Variants in BANK1 observed in about 807,000 individuals in gnomAD.
The protein encoded by BANK1 is B cell scaffold protein with ankyrin repeats 1.
In BANK1, 95 loss-of-function variants were observed where a neutral mutation model predicts 94.5. The ratio of observed to expected loss-of-function variants is 1.00; its 90% CI spans 0.85 to 1.19. The LOEUF (loss-of-function observed/expected upper bound fraction) is 1.19. BANK1 is among the 50% of genes most tolerant of loss of function. The pLI is 0.00. For synonymous variants in BANK1, 334 were observed against 308.4 expected (o/e 1.08, Z -0.87); for missense variants, 987 against 932.2 (o/e 1.06, Z -0.77).
chr4:102,055,801 C>T (rs1198431167), intron 11 of BANK1, among the ~76,000 whole-genome samples: 4 of 152,096 alleles, frequency 2.6e-5, no homozygotes, highest in Non-Finnish European at 5.9e-5. Context: ...ATCCTCTCAA[C>T]TCTTTCTATA....
intron 5 of BANK1, among the ~76,000 whole-genome samples, chr4:101,881,741 T>C (rs1364129949): frequency 1.3e-5 from 2 of 152,092 alleles, no homozygotes; most frequent in Non-Finnish European, 2.9e-5. Flanking sequence ...AGCCACAAAA[T>C]AGAATGAGAT....
chr4:101,977,260 C>T (rs962474815), intron 7 of BANK1, among the ~76,000 whole-genome samples: 1 of 152,104 alleles, frequency 6.6e-6, no homozygotes, highest in African/African-American at 2.4e-5. Flanking sequence ...CTTCTTGCAG[C>T]ATAAGGAAGG....
chr4:102,057,726 C>T (rs1217158942), intron 11 of BANK1, among the ~76,000 whole-genome samples: 1 of 152,102 alleles, frequency 6.6e-6, no homozygotes, highest in African/African-American at 2.4e-5. Context: ...CACATTGATA[C>T]TTATAGTATG....
intron 6 of BANK1, among the ~76,000 whole-genome samples, chr4:101,901,872 T>C (rs1020258595): frequency 6.6e-6 from 1 of 152,114 alleles, no homozygotes; most frequent in East Asian, 1.9e-4. Flanking sequence ...ACCATTCTCC[T>C]GCCTCAGCCT....
rs1727064205 is a variant in BANK1, at chr4:102,025,579, G to A, written c.1594+70G>A. 4.2e-6 allele frequency: 6 copies of A among 1,422,642 alleles called. No homozygotes were observed. In the South Asian group the frequency reaches 5.2e-5, roughly 12 times the overall value. 88.1% of individuals were successfully genotyped at this position (1,422,642 alleles called of 1,614,324 possible). A position where few individuals can be genotyped will look rare whatever the true frequency, so the allele number is the denominator to read the frequency against. ...CTTTGACAGGCTTACATAGCAAATAGTGCAGTGGCAAATCTATACAGAGCA... is the reference window on the plus strand; with the variant it reads ...CTTTGACAGGCTTACATAGCAAATAATGCAGTGGCAAATCTATACAGAGCA... On this transcript the variant is annotated intron_variant, in intron 9 of 16. Transcript: ENST00000322953.
At chr4:101,948,174 G>A (rs1443652320) in intron 7 of BANK1, among the ~76,000 whole-genome samples, 1 of 152,088 alleles carries the variant, frequency 6.6e-6, no homozygotes, top group Non-Finnish European at 1.5e-5. Flanking sequence ...AAAGAGCAGA[G>A]TATGAGACTA....
chr4:101,992,217 A>G (rs1016754637), intron 7 of BANK1, among the ~76,000 whole-genome samples: 1 of 152,210 alleles, frequency 6.6e-6, no homozygotes, highest in African/African-American at 2.4e-5. Flanking sequence ...AGAACAAAGA[A>G]CAATGACTTT....
rs570285490 is a variant in BANK1 at position 102,011,660 on chromosome 4, G to A, written c.1207-9854G>A. The stretch of plus-strand genomic sequence containing the variant: ...CCCTTCTATTTTGATCTTACGTCCC[G>A]ATGTGGGGGGAAGTATGTTTCTTTA... On this transcript the variant is annotated intron_variant, in intron 7 of 16. Coordinates refer to ENST00000322953, the MANE Select transcript of BANK1 (RefSeq NM_017935.5). 4.6e-5 allele frequency among the ~76,000 whole-genome samples: 7 copies of A among 152,230 alleles called. No homozygotes were observed. The South Asian group carries it at 1.0e-3, about 23-fold the overall frequency.
chr4:101,808,829 C>T (rs1041201909), intron 1 of BANK1, among the ~76,000 whole-genome samples: 24 of 151,892 alleles, frequency 1.6e-4, no homozygotes, highest in African/African-American at 4.8e-4. Flanking sequence ...CAAGAATGGC[C>T]ATAATTAAAA....
At chr4:102,023,735 A>G (rs1726988805) in intron 8 of BANK1, among the ~76,000 whole-genome samples, 2 of 152,228 alleles carry the variant, frequency 1.3e-5, no homozygotes, top group Non-Finnish European at 2.9e-5. Flanking sequence ...CTTATTCAGT[A>G]TTAAGAAACA....
chr4:102,062,935 A>G (rs547063649), intron 12 of BANK1, 140 bp from the exon 13 acceptor site: 9 of 627,850 alleles, frequency 1.4e-5, no homozygotes, highest in South Asian at 8.2e-5. Context: ...GGAAAGTATC[A>G]AGGATGGCAA....
At chr4:101,855,468 C>A (rs1243047318) in intron 3 of BANK1, among the ~76,000 whole-genome samples, 1 of 152,152 alleles carries the variant, frequency 6.6e-6, no homozygotes. Flanking sequence ...TCATGGCTAT[C>A]CTCTGAACCT....
intron 7 of BANK1, among the ~76,000 whole-genome samples, chr4:101,994,676 A>C (rs1032545357): frequency 6.6e-6 from 1 of 152,174 alleles, no homozygotes; most frequent in Non-Finnish European, 1.5e-5. Flanking sequence ...AAAAACACTC[A>C]GCTCATTGTT....
intron 1 of BANK1, among the ~76,000 whole-genome samples, chr4:101,828,994 C>G (rs1400486835): frequency 2.0e-5 from 3 of 151,968 alleles, no homozygotes; most frequent in African/African-American, 7.3e-5. Flanking sequence ...TCCCAAGTGC[C>G]TGGGACTACA....
At chr4:101,911,091 C>T (rs140681549) in intron 6 of BANK1, among the ~76,000 whole-genome samples, 13 of 152,280 alleles carry the variant, frequency 8.5e-5, no homozygotes, top group Non-Finnish European at 1.5e-4. Flanking sequence ...TTTAAATCTC[C>T]ACTTTACAGA....
In BANK1 at chr4:101,871,451, G is replaced by A. The variant is rs142827260; in HGVS notation, c.903+807G>A. Among the ~76,000 whole-genome samples the A allele has an allele frequency of 4.1e-3, 621 of 152,140 alleles. 4 individuals carry two copies. The highest frequency in any genetic ancestry group is 0.014 in the African/African-American group (563 of 41,486). ...CTGTCAATGATAATGTAGCTGACAA[G>A]TTTTCATGAAGCTTTATGTGTTTAA... On this transcript the variant is annotated intron_variant, in intron 5 of 16. Coordinates refer to ENST00000322953, the MANE Select transcript of BANK1 (RefSeq NM_017935.5).
chr4:101,946,415 C>T lies in BANK1; in HGVS notation c.1206+28226C>T, dbSNP rs527338507. On this transcript the variant is annotated intron_variant, in intron 7 of 16. Coordinates refer to ENST00000322953, the MANE Select transcript of BANK1 (RefSeq NM_017935.5). ...CCTATGTTTGGGAAAATATTAAAGCCGAGCAGAGAAAGTTCTTTACCTATG... is the reference window on the plus strand; with the variant it reads ...CCTATGTTTGGGAAAATATTAAAGCTGAGCAGAGAAAGTTCTTTACCTATG... 5.9e-5 allele frequency among the ~76,000 whole-genome samples: 9 copies of T among 151,896 alleles called. No individual in the cohort carries two copies. The South Asian group carries it at 1.0e-3, about 18-fold the overall frequency.
chr4:101,796,149 A>G (rs1490582063), intron 1 of BANK1, among the ~76,000 whole-genome samples: 1 of 152,196 alleles, frequency 6.6e-6, no homozygotes, highest in African/African-American at 2.4e-5. Context: ...CATAAGTAGA[A>G]AGAAACTGTG....
intron 11 of BANK1, among the ~76,000 whole-genome samples, chr4:102,055,034 A>T (rs1419599846): frequency 1.3e-5 from 2 of 152,108 alleles, no homozygotes; most frequent in Admixed American, 6.5e-5. Flanking sequence ...TGCTTTAAAA[A>T]GATACATCCC....
Sources: gnomAD v4.1 joint callset for allele counts (sites outside exome capture counted in the v4.1 genomes callset) on GRCh38, gnomAD v4.1.1 for gene constraint, MANE v1.5 for transcripts, NCBI Gene and HGNC (gene_info 2026-07-23, HGNC 2026-07-21) for gene names.